The following SEMA3E variants were observed in gnomAD, a reference collection of about 807,000 sequenced individuals.
The protein encoded by SEMA3E is semaphorin-3E.
Under a neutral mutation model 93.6 loss-of-function variants are expected in SEMA3E, and 49 were observed. The ratio of observed to expected loss-of-function variants is 0.52; its 90% CI spans 0.42 to 0.66. The LOEUF is 0.66. SEMA3E is among the 30% of genes least tolerant of loss of function. The pLI is 0.00. For missense variants in SEMA3E, 906 were observed against 964.8 expected (o/e 0.94, Z 0.81); for synonymous variants, 363 against 330.7 (o/e 1.10, Z -1.06).
At chr7:83,386,058 ACTCT>A (rs1181296852) in intron 15 of SEMA3E, among the ~76,000 whole-genome samples, 1 of 151,968 alleles carries the variant, frequency 6.6e-6, no homozygotes, top group Non-Finnish European at 1.5e-5. Context: ...AAGCAGGATT[ACTCT>A]CTCTTTATTT....
chr7:83,445,029 T>C (rs1318896986), intron 4 of SEMA3E, among the ~76,000 whole-genome samples: 1 of 152,104 alleles, frequency 6.6e-6, no homozygotes, highest in Non-Finnish European at 1.5e-5. Flanking sequence ...AGAAAGCTTC[T>C]ATTTGAAAAT....
chr7:83,443,189 G>A (rs1227829855), intron 4 of SEMA3E, among the ~76,000 whole-genome samples: 4 of 152,172 alleles, frequency 2.6e-5, no homozygotes, highest in Non-Finnish European at 5.9e-5. Context: ...GAGTACCTTT[G>A]TACAGGACCT....
At chr7:83,407,679 C>T (rs1788356242) in intron 6 of SEMA3E, among the ~76,000 whole-genome samples, 1 of 151,938 alleles carries the variant, frequency 6.6e-6, no homozygotes, top group African/African-American at 2.4e-5. Context: ...AAATGATCTA[C>T]CAGTATAGCG....
intron 4 of SEMA3E, among the ~76,000 whole-genome samples, chr7:83,453,956 C>A (rs997749403): frequency 5.5e-5 from 8 of 144,184 alleles, no homozygotes; most frequent in South Asian, 2.3e-4. Context: ...TTATTTTTAC[C>A]TACTATTAAA....
intron 4 of SEMA3E, among the ~76,000 whole-genome samples, chr7:83,434,331 G>A (rs926936264): frequency 3.3e-5 from 5 of 152,100 alleles, no homozygotes; most frequent in Non-Finnish European, 7.4e-5. Flanking sequence ...AATATTGATA[G>A]TATTTTGGGT....
chr7:83,484,103 C>T (rs941066250), intron 2 of SEMA3E, among the ~76,000 whole-genome samples: 1 of 152,166 alleles, frequency 6.6e-6, no homozygotes, highest in Admixed American at 6.6e-5. Flanking sequence ...TTTTCCTTTA[C>T]CTTCTTGCTC....
intron 1 of SEMA3E, among the ~76,000 whole-genome samples, chr7:83,576,546 T>A (rs1325874528): frequency 6.6e-6 from 1 of 152,198 alleles, no homozygotes; most frequent in Non-Finnish European, 1.5e-5. Context: ...GTATGTTTTT[T>A]TCAATATCCA....
intron 4 of SEMA3E, among the ~76,000 whole-genome samples, chr7:83,435,518 C>G (rs952825269): frequency 4.6e-5 from 7 of 152,010 alleles, no homozygotes; most frequent in African/African-American, 7.3e-5. Context: ...ATTGCTGGAA[C>G]CCGGCAGGCA....
At chr7:83,595,719 G>A (rs1414343572) in intron 1 of SEMA3E, among the ~76,000 whole-genome samples, 1 of 151,860 alleles carries the variant, frequency 6.6e-6, no homozygotes. Flanking sequence ...CTCATAATTA[G>A]ATTGATGTAG....
chr7:83,603,531 T>C (rs1290464611), intron 1 of SEMA3E, among the ~76,000 whole-genome samples: 1 of 152,108 alleles, frequency 6.6e-6, no homozygotes, highest in Admixed American at 6.5e-5. Context: ...AAAAATGACA[T>C]ATCTTTTCAG....
At chr7:83,409,739 A>C (rs528994876) in intron 5 of SEMA3E, among the ~76,000 whole-genome samples, 1 of 151,868 alleles carries the variant, frequency 6.6e-6, no homozygotes, top group Non-Finnish European at 1.5e-5. Flanking sequence ...AATTTAAAAG[A>C]TATTGAATAC....
At chr7:83,514,530 G>T (rs967561940) in intron 1 of SEMA3E, among the ~76,000 whole-genome samples, 1 of 152,028 alleles carries the variant, frequency 6.6e-6, no homozygotes, top group Non-Finnish European at 1.5e-5. Context: ...TTGTGTTGTT[G>T]TTGTTGGTTT....
chr7:83,547,018 T>C (rs902481766), intron 1 of SEMA3E, among the ~76,000 whole-genome samples: 1 of 152,094 alleles, frequency 6.6e-6, no homozygotes, highest in African/African-American at 2.4e-5. Context: ...TAAGCAATGA[T>C]AAGCAAGGCT....
intron 1 of SEMA3E, among the ~76,000 whole-genome samples, chr7:83,514,851 A>G (rs1041747981): frequency 2.0e-5 from 3 of 152,166 alleles, no homozygotes; most frequent in Non-Finnish European, 4.4e-5. Flanking sequence ...AAGAATCAGG[A>G]GAGCTAGGAA....
chr7:83,414,439 T>C (rs1788502621), intron 5 of SEMA3E, among the ~76,000 whole-genome samples: 1 of 152,118 alleles, frequency 6.6e-6, no homozygotes, highest in South Asian at 2.1e-4. Context: ...ACATTGACTT[T>C]TAATTTACAA....
chr7:83,589,557 A>G (rs1792711013), intron 1 of SEMA3E, among the ~76,000 whole-genome samples: 1 of 152,176 alleles, frequency 6.6e-6, no homozygotes, highest in Non-Finnish European at 1.5e-5. Context: ...TCACAGATTT[A>G]AACCACATAT....
intron 4 of SEMA3E, among the ~76,000 whole-genome samples, chr7:83,453,250 G>A (rs545789354): frequency 6.6e-6 from 1 of 152,072 alleles, no homozygotes; most frequent in South Asian, 2.1e-4. Context: ...GGCTGGTCTT[G>A]AACTCCTGAC....
chr7:83,618,020 A>C (rs539093467), intron 1 of SEMA3E, among the ~76,000 whole-genome samples: 1 of 152,188 alleles, frequency 6.6e-6, no homozygotes, highest in Non-Finnish European at 1.5e-5. Context: ...CCCTTTGTGC[A>C]TTTTGCTTTA....
intron 1 of SEMA3E, among the ~76,000 whole-genome samples, chr7:83,528,098 T>C (rs1791200576): frequency 6.6e-6 from 1 of 151,558 alleles, no homozygotes; most frequent in African/African-American, 2.4e-5. Context: ...CTTACTATAA[T>C]GCCCTTTTTG....
Sources: allele counts gnomAD v4.1 joint callset (sites outside exome capture counted in the v4.1 genomes callset), GRCh38; gene constraint gnomAD v4.1.1; transcripts MANE v1.5; gene names NCBI Gene and HGNC (gene_info 2026-07-23, HGNC 2026-07-21).